Variants in SLC35F1 observed in about 807,000 individuals in gnomAD.
The protein encoded by SLC35F1 is solute carrier family 35 member F1.
Under a neutral mutation model 48.7 loss-of-function variants are expected in SLC35F1, and 14 were observed. The ratio of observed to expected loss-of-function variants is 0.29; its 90% CI spans 0.19 to 0.45. SLC35F1 has a LOEUF of 0.45. Ranked by LOEUF, SLC35F1 falls within the 20% of genes least tolerant of loss-of-function variation. SLC35F1 has a pLI of 1.00. For synonymous variants in SLC35F1, 190 were observed against 202.2 expected, an observed-to-expected ratio of 0.94 and a Z score of 0.51; for missense variants, 404 against 500.0, an observed-to-expected ratio of 0.81 and a Z score of 1.83.
At chr6:117,923,215 G>A (rs1367076125) in intron 1 of SLC35F1, among the ~76,000 whole-genome samples, 1 of 152,024 alleles carries the variant, frequency 6.6e-6, no homozygotes, top group African/African-American at 2.4e-5. Flanking sequence ...TATTTCTAAA[G>A]CATATGTATA....
chr6:118,246,914 C>T (rs1299550844), intron 3 of SLC35F1, among the ~76,000 whole-genome samples: 1 of 152,130 alleles, frequency 6.6e-6, no homozygotes, highest in Non-Finnish European at 1.5e-5. Flanking sequence ...TTAACAGTGC[C>T]CCCACTGGTC....
chr6:118,075,650 G>T (rs978551681), intron 1 of SLC35F1, among the ~76,000 whole-genome samples: 15 of 152,080 alleles, frequency 9.9e-5, no homozygotes, highest in Admixed American at 8.5e-4. Context: ...CAGTATTTTT[G>T]ATCTATCATT....
chr6:118,030,918 A>G (rs1734543170), intron 1 of SLC35F1, among the ~76,000 whole-genome samples: 1 of 152,178 alleles, frequency 6.6e-6, no homozygotes, highest in East Asian at 1.9e-4. Flanking sequence ...TTTCATAATA[A>G]TATGTAAAAC....
At chr6:118,018,095 G>A (rs777169695) in intron 1 of SLC35F1, among the ~76,000 whole-genome samples, 9 of 152,132 alleles carry the variant, frequency 5.9e-5, no homozygotes, top group African/African-American at 1.4e-4. Context: ...ATAATAGGCC[G>A]GGCACGGTGG....
chr6:118,059,359 A>G (rs1772505305), intron 1 of SLC35F1, among the ~76,000 whole-genome samples: 1 of 152,114 alleles, frequency 6.6e-6, no homozygotes, highest in Non-Finnish European at 1.5e-5. Flanking sequence ...GTGGGCTGTC[A>G]CTCTGTAAAT....
At chr6:118,238,864 C>T (rs1027302375) in intron 3 of SLC35F1, among the ~76,000 whole-genome samples, 3 of 152,080 alleles carry the variant, frequency 2.0e-5, no homozygotes, top group Non-Finnish European at 2.9e-5. Context: ...GAACATTTCT[C>T]AATAGAAGTA....
intron 2 of SLC35F1, among the ~76,000 whole-genome samples, chr6:118,185,564 G>A (rs1269231997): frequency 6.6e-6 from 1 of 152,142 alleles, no homozygotes; most frequent in African/African-American, 2.4e-5. Context: ...ATGAAAATGT[G>A]TTTTCTTCAG....
At chr6:118,275,287 G>A (rs1043316810) in intron 4 of SLC35F1, among the ~76,000 whole-genome samples, 172 bp from the exon 5 acceptor site, 2 of 152,152 alleles carry the variant, frequency 1.3e-5, no homozygotes, top group African/African-American at 4.8e-5. Flanking sequence ...TTTTATATCA[G>A]AACGTGTCTA....
rs1775997491 is a variant in SLC35F1, at chr6:117,924,479, TA to T, written c.173+16581del. ...ATATGTGTGTACATATATACATATG[TA>T]TATACGTATATACATATGTATATAC... On this transcript the variant is annotated intron_variant, in intron 1 of 7. Transcript: ENST00000360388. Among the ~76,000 whole-genome samples the T allele has an allele frequency of 1.7e-4, 3 of 17,580 alleles. No individual in the cohort carries two copies. The Admixed American group carries it at 4.0e-3, about 24-fold the overall frequency. 11.5% of individuals were successfully genotyped at this position (17,580 alleles called of 152,430 possible). A position where few individuals can be genotyped will look rare whatever the true frequency, so the allele number is the denominator to read the frequency against.
Position 118,282,875 on chromosome 6 carries a change from C to T in SLC35F1, c.848-2309C>T, listed in dbSNP as rs72965674. ...CAAGCAAGCTACCAGCCTCTCTTGC[C>T]GGGATTGTGACACCGCCATTCTAAC... is the stretch of plus-strand genomic sequence containing the variant. On this transcript the variant is annotated intron_variant, in intron 6 of 7. Transcript: ENST00000360388. Among the ~76,000 whole-genome samples, 827 of 152,230 alleles carry T rather than the reference C, an allele frequency of 5.4e-3. 10 individuals carry two copies. The highest frequency in any genetic ancestry group is 0.027 in the Middle Eastern group (8 of 294).
intron 1 of SLC35F1, among the ~76,000 whole-genome samples, chr6:117,934,064 AG>A (rs1776135103): frequency 6.6e-6 from 1 of 152,176 alleles, no homozygotes; most frequent in Non-Finnish European, 1.5e-5. Flanking sequence ...CATGAACTAC[AG>A]AAAAAGAGCT....
intron 1 of SLC35F1, among the ~76,000 whole-genome samples, chr6:118,025,522 T>A (rs752034474): frequency 6.6e-6 from 1 of 152,160 alleles, no homozygotes; most frequent in Non-Finnish European, 1.5e-5. Flanking sequence ...GAAGTCACCA[T>A]GTACAGTCCA....
At chr6:118,031,017 A>G (rs918756091) in intron 1 of SLC35F1, among the ~76,000 whole-genome samples, 1 of 152,156 alleles carries the variant, frequency 6.6e-6, no homozygotes, top group Non-Finnish European at 1.5e-5. Context: ...TGGAAAATAC[A>G]TAGTTCCTAC....
intron 1 of SLC35F1, among the ~76,000 whole-genome samples, chr6:118,101,398 T>G (rs2114364990): frequency 6.6e-6 from 1 of 152,306 alleles, no homozygotes; most frequent in East Asian, 1.9e-4. Flanking sequence ...CTTGTGAAGC[T>G]TTTATACACC....
chr6:118,314,492 C>G lies in SLC35F1; in HGVS notation c.*240C>G. On this transcript the variant is annotated 3_prime_UTR_variant, in exon 8 of 8. Transcript: ENST00000360388. ...GTGTATCCTGATCACAACTCCCCTG[C>G]ATTCATTACTGTGAAAATTTTTGAA... The G allele has an allele frequency of 2.0e-6, 1 of 507,768 alleles. No individual in the cohort carries two copies. The highest frequency in any genetic ancestry group is 3.5e-6 in the Non-Finnish European group (1 of 283,340). 31.5% of individuals were successfully genotyped at this position (507,768 alleles called of 1,614,324 possible).
intron 1 of SLC35F1, among the ~76,000 whole-genome samples, chr6:118,054,386 TATATC>T (rs1374086390): frequency 6.6e-6 from 1 of 152,226 alleles, no homozygotes; most frequent in Non-Finnish European, 1.5e-5. Flanking sequence ...GTTTTAGTCA[TATATC>T]ATAATGCAAT....
chr6:118,034,473 G>A (rs927168168), intron 1 of SLC35F1, among the ~76,000 whole-genome samples: 3 of 152,068 alleles, frequency 2.0e-5, no homozygotes, highest in Non-Finnish European at 2.9e-5. Flanking sequence ...AAGAAGAATC[G>A]CTTGAACCTG....
chr6:118,148,701 T>C (rs1160138764), intron 1 of SLC35F1, among the ~76,000 whole-genome samples: 3 of 152,236 alleles, frequency 2.0e-5, no homozygotes, highest in African/African-American at 7.2e-5. Flanking sequence ...ATGTTTCTTA[T>C]GTTAGAATGC....
At chr6:117,963,519 T>C (rs1290580597) in intron 1 of SLC35F1, among the ~76,000 whole-genome samples, 1 of 152,062 alleles carries the variant, frequency 6.6e-6, no homozygotes, top group Admixed American at 6.6e-5. Context: ...CACGATAATA[T>C]TAGAGGGAAA....
Sources: allele counts gnomAD v4.1 joint callset (sites outside exome capture counted in the v4.1 genomes callset), GRCh38; gene constraint gnomAD v4.1.1; transcripts MANE v1.5; gene names NCBI Gene and HGNC (gene_info 2026-07-23, HGNC 2026-07-21).